TTC28: variants seen among roughly 807,000 people sequenced by gnomAD.
The protein encoded by TTC28 is tetratricopeptide repeat domain 28, also known as tetratricopeptide repeat protein 28.
Under a neutral mutation model 198.0 loss-of-function variants are expected in TTC28, and 61 were observed. The ratio of observed to expected loss-of-function variants is 0.31; its 90% CI spans 0.25 to 0.38. TTC28 has a LOEUF of 0.38. TTC28 is among the 10% of genes least tolerant of loss of function. The pLI is 1.00. For synonymous variants in TTC28, 1,171 were observed against 1,297.8 expected (o/e 0.90, Z 2.10); for missense variants, 2,678 against 3,164.0 (o/e 0.85, Z 3.69).
chr22:27,995,061 T>C (rs963579764), intron 17 of TTC28, among the ~76,000 whole-genome samples: 1 of 152,162 alleles, frequency 6.6e-6, no homozygotes, highest in Non-Finnish European at 1.5e-5. Flanking sequence ...TTCAGAAATA[T>C]GTGTGACTCT....
intron 5 of TTC28, among the ~76,000 whole-genome samples, chr22:28,250,132 T>C (rs1380894149): frequency 6.6e-6 from 1 of 152,218 alleles, no homozygotes; most frequent in African/African-American, 2.4e-5. Flanking sequence ...ATATAGTTTC[T>C]CTAGGAAAAA....
chr22:28,079,996 T>C (rs1370329799), intron 12 of TTC28, among the ~76,000 whole-genome samples: 2 of 152,224 alleles, frequency 1.3e-5, no homozygotes, highest in Non-Finnish European at 2.9e-5. Flanking sequence ...CTCGAAGTGC[T>C]GAGATTATAG....
chr22:28,552,056 A>T (rs1351745303), intron 2 of TTC28, among the ~76,000 whole-genome samples: 1 of 152,190 alleles, frequency 6.6e-6, no homozygotes, highest in African/African-American at 2.4e-5. Context: ...TAATACACAC[A>T]AATCAGTAGC....
chr22:28,183,171 C>G (rs186433583), intron 5 of TTC28, among the ~76,000 whole-genome samples: 8 of 152,092 alleles, frequency 5.3e-5, no homozygotes, highest in Non-Finnish European at 8.8e-5. Flanking sequence ...TGGTTCCCCC[C>G]ACCTCAGCCT....
At chr22:28,497,904 TA>T (rs2048479004) in intron 2 of TTC28, among the ~76,000 whole-genome samples, 3 of 152,164 alleles carry the variant, frequency 2.0e-5, no homozygotes, top group Admixed American at 2.0e-4. Context: ...CAAATTCACA[TA>T]ATTTTCAATT....
chr22:28,160,370 G>T (rs1297758869), intron 6 of TTC28, among the ~76,000 whole-genome samples: 1 of 152,080 alleles, frequency 6.6e-6, no homozygotes, highest in Non-Finnish European at 1.5e-5. Flanking sequence ...TTTTAAAAAG[G>T]TTGGGGGTAA....
rs1204185599 is a variant in TTC28 at position 28,163,241 on chromosome 22, G to A, written c.1292C>T (p.Ala431Val). 1 of 1,551,658 alleles carries A rather than the reference G, an allele frequency of 6.4e-7. No individual in the cohort carries two copies. The highest frequency in any genetic ancestry group is 1.4e-5 in the African/African-American group (1 of 73,034). ...TCCAGCATAGGCCCGCATCTCAATA[G>A]CCTTCTCCATCAACTCCTGTGCCAG... is the stretch of plus-strand genomic sequence containing the variant. ...LELAQELMEKAIEMRAYAGLG... is the reference protein window; with the variant it reads ...LELAQELMEKVIEMRAYAGLG... The change falls in exon 6 of 23, where the codon GCT becomes GTT. Residue 431 changes from alanine to valine, a missense_variant. Ala to Val is a moderately conservative substitution (Grantham distance 64). Coordinates refer to ENST00000397906, the MANE Select transcript of TTC28 (RefSeq NM_001145418.2).
At position 28,240,211 on chromosome 22, in the gene TTC28, A is replaced by G. The variant is rs954960104; in HGVS notation, c.933+55987T>C. ...GAATGTGTTAGGGAGTTTGTTTTACAGTGGTATGAATTAGTACTTCTGAAA... is the reference window on the plus strand; with the variant it reads ...GAATGTGTTAGGGAGTTTGTTTTACGGTGGTATGAATTAGTACTTCTGAAA... On this transcript the variant is annotated intron_variant, in intron 5 of 22. Coordinates refer to ENST00000397906, the MANE Select transcript of TTC28 (RefSeq NM_001145418.2). Among the ~76,000 whole-genome samples the G allele has an allele frequency of 2.0e-5, 3 of 152,350 alleles. No individual in the cohort carries two copies. The East Asian group carries it at 5.8e-4, about 29-fold the overall frequency.
At chr22:28,559,674 C>A (rs977027991) in intron 2 of TTC28, among the ~76,000 whole-genome samples, 1 of 152,212 alleles carries the variant, frequency 6.6e-6, no homozygotes, top group South Asian at 2.1e-4. Flanking sequence ...TTTGACACAA[C>A]GGGTCATTCT....
chr22:28,064,048 CT>C (rs1940657735), intron 12 of TTC28, among the ~76,000 whole-genome samples: 2 of 152,156 alleles, frequency 1.3e-5, no homozygotes, highest in Middle Eastern at 6.8e-3. Context: ...GTTTAGTGTC[CT>C]TTTTTTAACC....
intron 2 of TTC28, among the ~76,000 whole-genome samples, chr22:28,407,303 C>A (rs1004817025): frequency 2.2e-4 from 33 of 152,138 alleles, no homozygotes; most frequent in African/African-American, 6.8e-4. Context: ...CAAACACAAG[C>A]ACAGCAATAC....
intron 3 of TTC28, among the ~76,000 whole-genome samples, chr22:28,304,971 A>T (rs916606201): frequency 1.7e-4 from 25 of 147,982 alleles, no homozygotes; most frequent in South Asian, 4.3e-4. Flanking sequence ...TTGTTTATTT[A>T]TTATTTATTT....
chr22:28,159,744 G>C (rs1163354244), intron 6 of TTC28, among the ~76,000 whole-genome samples: 2 of 151,700 alleles, frequency 1.3e-5, no homozygotes, highest in East Asian at 3.9e-4. Flanking sequence ...AAATCAGTAT[G>C]TCGAAGAGAT....
At chr22:28,118,369 A>C (rs1942694734) in intron 6 of TTC28, among the ~76,000 whole-genome samples, 1 of 152,136 alleles carries the variant, frequency 6.6e-6, no homozygotes, top group Non-Finnish European at 1.5e-5. Flanking sequence ...ACTGCACTCC[A>C]GCCTGGGTGA....
intron 5 of TTC28, among the ~76,000 whole-genome samples, chr22:28,238,841 T>A (rs1465466084): frequency 1.3e-5 from 2 of 152,178 alleles, no homozygotes; most frequent in African/African-American, 4.8e-5. Flanking sequence ...AGGACTCACA[T>A]ATAGATTTCT....
intron 5 of TTC28, among the ~76,000 whole-genome samples, chr22:28,270,530 TA>T (rs144994975): frequency 0.03 from 4,400 of 148,940 alleles, 199 homozygotes; most frequent in African/African-American, 0.098. Context: ...AATCTGATAT[TA>T]AAAAAAAAAC....
intron 2 of TTC28, among the ~76,000 whole-genome samples, chr22:28,420,863 A>T (rs1390308770): frequency 6.6e-6 from 1 of 152,152 alleles, no homozygotes; most frequent in African/African-American, 2.4e-5. Context: ...GGCCTCCAAA[A>T]GTGCTGCGAT....
At chr22:28,052,649 G>C (rs571943113) in intron 12 of TTC28, among the ~76,000 whole-genome samples, 17 of 152,162 alleles carry the variant, frequency 1.1e-4, no homozygotes, top group Non-Finnish European at 2.4e-4. Context: ...AAATTGTGTA[G>C]GTAATACAAA....
chr22:28,003,937 CTA>C (rs1195364641), intron 14 of TTC28, among the ~76,000 whole-genome samples: 1 of 152,222 alleles, frequency 6.6e-6, no homozygotes, highest in African/African-American at 2.4e-5. Context: ...CGTCATGTGC[CTA>C]CTGGGGACCG....
Sources: gnomAD v4.1 joint callset for allele counts (sites outside exome capture counted in the v4.1 genomes callset) on GRCh38, gnomAD v4.1.1 for gene constraint, MANE v1.5 for transcripts, NCBI Gene and HGNC (gene_info 2026-07-23, HGNC 2026-07-21) for gene names.